LITAF: variants seen among roughly 807,000 people sequenced by gnomAD.
The protein encoded by LITAF is lipopolysaccharide induced TNF factor.
A neutral mutation model predicts 14.5 loss-of-function variants in LITAF; 9 were observed. The ratio of observed to expected loss-of-function variants is 0.62; its 90% CI spans 0.37 to 1.08. The LOEUF is 1.08. LITAF is among the 50% of genes least tolerant of loss of function. The pLI, the probability that LITAF is intolerant of heterozygous loss-of-function variation, is 0.01. For synonymous variants in LITAF, 98 were observed against 88.2 expected, an observed-to-expected ratio of 1.11 and a Z score of -0.62; for missense variants, 206 against 213.4, an observed-to-expected ratio of 0.97 and a Z score of 0.22.
rs1026254550 is a variant in LITAF, at chr16:11,586,505, C to G, written c.-6+381G>C. 1.1e-4 allele frequency: 17 copies of G among 152,312 alleles called. No individual in the cohort carries two copies. Among genetic ancestry groups the G allele is most frequent in the African/African-American group, 3.8e-4 (16 of 41,578 alleles). 9.4% of individuals were successfully genotyped at this position (152,312 alleles called of 1,614,324 possible). On this transcript the variant is annotated intron_variant, in intron 1 of 3. Transcript: ENST00000622633. This position sits in a 1 kb window ranked among gnomAD's most constrained non-coding sequence, Gnocchi z 6.5. ...TTTCTGGAAATCTCAACCTGAGTCA[C>G]TAGAGAGAATCGCGCCTTTTTCTAA...
chr16:11,630,885 C>T (rs1223751903), intron 3 of LITAF, among the ~76,000 whole-genome samples: 3 of 152,138 alleles, frequency 2.0e-5, no homozygotes, highest in Admixed American at 6.5e-5. Context: ...GCATGGGCCA[C>T]GGTGCCCGGC....
rs202063666 is a variant in LITAF at position 11,607,550 on chromosome 16, A to AG, written c.85+25982_85+25983insC. 9.6e-3 allele frequency among the ~76,000 whole-genome samples: 1,460 copies of AG among 152,230 alleles called. 18 individuals are homozygous for AG. The highest frequency in any genetic ancestry group is 0.031 in the African/African-American group (1,280 of 41,544). On this transcript the variant is annotated intron_variant, in intron 3 of 3. Coordinates refer to the LITAF transcript ENST00000574848. ...TTAATATGGGTATCATTCGGGAAAA[A>AG]AAAAAAAAGTTCCTTCCTTCTTATT...
chr16:11,603,544 T>A (rs993633798), intron 3 of LITAF, among the ~76,000 whole-genome samples: 1 of 152,236 alleles, frequency 6.6e-6, no homozygotes, highest in African/African-American at 2.4e-5. Context: ...CGCTCCAGTT[T>A]TAGCCTGGGA....
In LITAF at chr16:11,556,698, A is replaced by G. The variant is rs2141718019; in HGVS notation, c.33T>C (p.Thr11=). The change falls in exon 2 of 4, where the codon ACT becomes ACC. Residue 11 remains threonine, a synonymous_variant. Coordinates refer to ENST00000622633, the MANE Select transcript of LITAF (RefSeq NM_001136472.2). MSVPGPYQAA[T]GPSSAPSAPP... ...GTGCGGATGGTGCTGAGGAAGGCCC[A>G]GTGGCCGCCTGGTAAGGTCCTGGAA... is the stretch of plus-strand genomic sequence containing the variant. 6.2e-7 allele frequency: 1 copy of G among 1,614,202 alleles called. No homozygotes were observed. The highest frequency in any genetic ancestry group is 2.2e-5 in the East Asian group (1 of 44,878).
At chr16:11,628,347 T>C (rs913506944) in intron 3 of LITAF, among the ~76,000 whole-genome samples, 1 of 152,108 alleles carries the variant, frequency 6.6e-6, no homozygotes, top group Non-Finnish European at 1.5e-5. Flanking sequence ...GGGAACTCTT[T>C]CTAGAGTTCC....
At chr16:11,627,884 C>T (rs908359310) in intron 3 of LITAF, among the ~76,000 whole-genome samples, 4 of 151,772 alleles carry the variant, frequency 2.6e-5, no homozygotes, top group African/African-American at 9.7e-5. Context: ...GGGCGTGGTA[C>T]CACACATCTG....
In LITAF at chr16:11,556,714, G is replaced by A. The variant is rs774532093; in HGVS notation, c.17C>T (p.Pro6Leu). ...GGAAGGCCCAGTGGCCGCCTGGTAA[G>A]GTCCTGGAACCGACATTTTACCTAA... MSVPG[P>L]YQAATGPSSA... The change falls in exon 2 of 4, where the codon CCT becomes CTT. Residue 6 changes from proline to leucine, a missense_variant. Physicochemically the swap from Pro to Leu is moderately conservative, Grantham distance 98. Transcript: ENST00000622633. 2.5e-6 allele frequency: 4 copies of A among 1,614,152 alleles called. No homozygotes were observed. The highest frequency in any genetic ancestry group is 3.4e-6 in the Non-Finnish European group (4 of 1,180,032).
intron 1 of LITAF, among the ~76,000 whole-genome samples, chr16:11,585,544 A>G (rs1282683998): frequency 6.6e-6 from 1 of 152,198 alleles, no homozygotes; most frequent in Non-Finnish European, 1.5e-5. Context: ...GCTCCAACTG[A>G]TAAAACCAAA....
chr16:11,553,608 T>C lies in LITAF; in HGVS notation c.302A>G (p.Lys101Arg), dbSNP rs201283647. Residue 101 changes from lysine (K) to arginine (R), a missense_variant, in exon 3 of 4, where the codon AAG (lysine) becomes AGG (arginine). Physicochemically the swap from Lys to Arg is conservative, Grantham distance 26. Transcript: ENST00000622633. The surrounding 1 kb of genome is among the most constrained non-coding windows in gnomAD (Gnocchi z 7.7). The part of the protein sequence containing the change: ...PIQMCCPSCN[K>R]MIVSQLSYNA... Reference sequence around the variant, plus strand: ...ATAGGACAGCTGACTCACGATCATCTTGTTGCAGGAAGGACAACACATTTG... The same window carrying C: ...ATAGGACAGCTGACTCACGATCATCCTGTTGCAGGAAGGACAACACATTTG... 3.8e-4 allele frequency: 606 copies of C among 1,614,136 alleles called. No individual in the cohort carries two copies. The highest frequency in any genetic ancestry group is 4.9e-4 in the Non-Finnish European group (575 of 1,180,008).
Position 11,614,298 on chromosome 16 carries a change from C to CT in LITAF, c.85+19234dup, listed in dbSNP as rs34958536. 7.4e-3 allele frequency among the ~76,000 whole-genome samples: 1,000 copies of CT among 134,952 alleles called. 6 individuals are homozygous for CT. Among genetic ancestry groups the CT allele is most frequent in the African/African-American group, 0.017 (600 of 35,198 alleles). 88.5% of individuals were successfully genotyped at this position (134,952 alleles called of 152,430 possible). On this transcript the variant is annotated intron_variant, in intron 3 of 3. Transcript: ENST00000574848. ...CTTTCCTCTTCTTTCTTTTTCTTTTCTTTTTTTTTTTTTTTTCTTGAGACA... is the reference window on the plus strand; with the variant it reads ...CTTTCCTCTTCTTTCTTTTTCTTTTCTTTTTTTTTTTTTTTTTCTTGAGACA...
intron 1 of LITAF, among the ~76,000 whole-genome samples, chr16:11,581,698 T>G (rs1238112248): frequency 6.6e-6 from 1 of 152,082 alleles, no homozygotes; most frequent in African/African-American, 2.4e-5. Flanking sequence ...TTTCTGACAC[T>G]TCTAACTGAT....
chr16:11,628,173 G>T (rs1485109221), intron 3 of LITAF, among the ~76,000 whole-genome samples: 1 of 152,110 alleles, frequency 6.6e-6, no homozygotes, highest in Non-Finnish European at 1.5e-5. Context: ...AATAAGACCT[G>T]GTTCGTTTCT....
chr16:11,613,677 G>A (rs2064997622), intron 3 of LITAF, among the ~76,000 whole-genome samples: 3 of 152,226 alleles, frequency 2.0e-5, no homozygotes, highest in African/African-American at 4.8e-5. Context: ...GGTGGGAGAG[G>A]AGCAGGAAAG....
At chr16:11,580,489 C>T (rs1239140505) in intron 1 of LITAF, among the ~76,000 whole-genome samples, 6 of 152,138 alleles carry the variant, frequency 3.9e-5, no homozygotes, top group African/African-American at 1.4e-4. Context: ...AACTCCTGAC[C>T]TCATGATCCA....
chr16:11,597,074 A>C (rs543990068), intron 1 of LITAF, among the ~76,000 whole-genome samples: 1 of 152,296 alleles, frequency 6.6e-6, no homozygotes, highest in Admixed American at 6.5e-5. Context: ...TGAAGTTGTC[A>C]GGCAGCTTTC....
intron 1 of LITAF, among the ~76,000 whole-genome samples, chr16:11,579,313 C>T (rs1305332071): frequency 3.4e-5 from 5 of 145,494 alleles, no homozygotes; most frequent in South Asian, 4.4e-4. Flanking sequence ...TAGCCGGGCG[C>T]GGTGGCGGGC....
At chr16:11,568,576 C>A (rs13339123) in intron 1 of LITAF, among the ~76,000 whole-genome samples, 6,335 of 152,086 alleles carry the variant, frequency 0.042, 466 homozygotes, top group African/African-American at 0.15. Context: ...GTCAACAGTT[C>A]CAGCCAACAG....
chr16:11,565,356 T>C (rs1181279474), intron 1 of LITAF, among the ~76,000 whole-genome samples: 1 of 149,576 alleles, frequency 6.7e-6, no homozygotes, highest in Non-Finnish European at 1.5e-5. Context: ...GTGCTGGGAT[T>C]ACAGGCATGG....
At chr16:11,554,958 T>C (rs886248301) in intron 2 of LITAF, among the ~76,000 whole-genome samples, 3 of 152,156 alleles carry the variant, frequency 2.0e-5, no homozygotes, top group Non-Finnish European at 4.4e-5. Context: ...TAGAGTTAAC[T>C]GAACTTAGTA....
Sources: allele counts gnomAD v4.1 joint callset (sites outside exome capture counted in the v4.1 genomes callset), GRCh38; gene constraint gnomAD v4.1.1; non-coding constraint Gnocchi (gnomAD v3.1); transcripts MANE v1.5; gene names NCBI Gene and HGNC (gene_info 2026-07-23, HGNC 2026-07-21).